The following SLC26A1 variants were observed in gnomAD, a reference collection of about 807,000 sequenced individuals.
SLC26A1 encodes the protein sulfate anion transporter 1.
In SLC26A1, 18 loss-of-function variants were observed where a neutral mutation model predicts 14.5. That is an observed-to-expected ratio of 1.24 (90% CI 0.86 to 1.84). The LOEUF (loss-of-function observed/expected upper bound fraction) is 1.84. Among genes scored for constraint, SLC26A1 ranks in the 40% most tolerant of loss-of-function variants. The pLI, the probability that SLC26A1 is intolerant of heterozygous loss-of-function variation, is 0.00. For synonymous variants in SLC26A1, 505 were observed against 492.0 expected (o/e 1.03, Z -0.35); for missense variants, 1,049 against 1,020.0 (o/e 1.03, Z -0.39).
downstream of SLC26A1, among the ~76,000 whole-genome samples, chr4:982,783 C>T (rs1713584879): frequency 6.6e-6 from 1 of 152,252 alleles, no homozygotes; most frequent in African/African-American, 2.4e-5. Context: ...TGGCCGGGTC[C>T]GTGTGTCTCC....
At chr4:984,517 A>G (rs1713640613), downstream of SLC26A1, among the ~76,000 whole-genome samples, 1 of 152,232 alleles carries the variant, frequency 6.6e-6, no homozygotes, top group African/African-American at 2.4e-5. Context: ...ACCGTGATGC[A>G]ATCATTGAGT....
At chr4:990,677 C>A in intron 2 of SLC26A1, 1 of 448,420 alleles carries the variant, frequency 2.2e-6, no homozygotes, top group South Asian at 3.1e-5. Context: ...CAGAAGGCAA[C>A]CCCTTCCTGC....
chr4:989,981 C>T lies in SLC26A1; in HGVS notation c.958G>A (p.Ala320Thr). 6.4e-7 allele frequency: 1 copy of T among 1,558,936 alleles called. No homozygotes were observed. Among genetic ancestry groups the T allele is most frequent in the Non-Finnish European group, 8.7e-7 (1 of 1,153,404 alleles). The change falls in exon 3 of 3, where the codon GCT becomes ACT. Residue 320 changes from alanine (A) to threonine (T), a missense_variant. Coordinates refer to ENST00000398516, the MANE Select transcript of SLC26A1 (RefSeq NM_022042.4). ...ATGAAACCCGTGGGGATGTCGCCAG[C>T]CACGCTCGAGCCAAAGCGCTTGTGG... is the stretch of plus-strand genomic sequence containing the variant. ...QLHKRFGSSV[A>T]GDIPTGFMPP...
Position 989,096 on chromosome 4 carries a change from C to G in SLC26A1, c.1843G>C (p.Asp615His), listed in dbSNP as rs369871590. ...AAAGFHTVVI[D>H]CAPLLFLDAA... ...TCTAGGAACAGCAGCGGGGCGCAGTCGATGACCACTGTGTGGAAGCCGGCC... is the reference window on the plus strand; with the variant it reads ...TCTAGGAACAGCAGCGGGGCGCAGTGGATGACCACTGTGTGGAAGCCGGCC... The change falls in exon 3 of 3, where the codon GAC (aspartate) becomes CAC (histidine). Residue 615 changes from aspartate (D) to histidine (H), a missense_variant. Coordinates refer to ENST00000398516, the MANE Select transcript of SLC26A1 (RefSeq NM_022042.4). The G allele has an allele frequency of 6.2e-7, 1 of 1,602,208 alleles. No individual in the cohort carries two copies. Among genetic ancestry groups the G allele is most frequent in the Non-Finnish European group, 8.5e-7 (1 of 1,174,854 alleles).
intron 2 of SLC26A1, chr4:990,866 C>G (rs1182413783): frequency 2.0e-5 from 10 of 497,262 alleles, no homozygotes; most frequent in Admixed American, 3.7e-5. Context: ...CACAGCCACA[C>G]CTGGCCTGCT....
Position 991,262 on chromosome 4 carries a change from G to C in SLC26A1, c.442C>G (p.Pro148Ala), listed in dbSNP as rs752884857. ...DRELQLAGFD[P>A]SQDGLQPGAN... ...CCGGGCTGCAGGCCGTCCTGGGAGG[G>C]GTCAAAGCCGGCCAGCTGGAGCTCC... The change falls in exon 2 of 3, where the codon CCC (proline) becomes GCC (alanine). Residue 148 changes from proline (P) to alanine (A), a missense_variant. Pro to Ala is a conservative substitution (Grantham distance 27, BLOSUM62 -1). Transcript: ENST00000398516. 20 of 1,612,516 alleles carry C rather than the reference G, an allele frequency of 1.2e-5. No homozygotes were observed. The highest frequency in any genetic ancestry group is 1.4e-5 in the Non-Finnish European group (16 of 1,179,854).
rs1168694329 is a variant in SLC26A1 at position 988,813 on chromosome 4, G to A, written c.*20C>T. 1.3e-6 allele frequency: 2 copies of A among 1,544,394 alleles called. No individual in the cohort carries two copies. Among genetic ancestry groups the A allele is most frequent in the East Asian group, 4.7e-5 (2 of 42,254 alleles). On this transcript the variant is annotated 3_prime_UTR_variant, in exon 3 of 3. Coordinates refer to ENST00000398516, the MANE Select transcript of SLC26A1 (RefSeq NM_022042.4). ...GGGTCCCCAGGAGGGAGCAGAGGCT[G>A]CTGGGCAGGCCTGGCCCTGCTACAG...
downstream of SLC26A1, chr4:987,094 C>A (rs1042371669): frequency 6.8e-7 from 1 of 1,472,056 alleles, no homozygotes; most frequent in African/African-American, 1.5e-5. Flanking sequence ...CATGCGTCCC[C>A]TGCGCCCCCG....
In SLC26A1 at chr4:989,286, C is replaced by T. The variant is rs1418691701; in HGVS notation, c.1653G>A (p.Lys551=). Residue 551 remains lysine, a synonymous_variant, in exon 3 of 3, where the codon AAG becomes AAA. Coordinates refer to ENST00000398516, the MANE Select transcript of SLC26A1 (RefSeq NM_022042.4). ...RFGGPLYYAN[K]DFFLQSLYSL... ...TGTAGAGTGACTGCAGGAAGAAGTC[C>T]TTGTTGGCATAGTACAGCGGCCCCC... The T allele has an allele frequency of 2.5e-6, 4 of 1,612,686 alleles. No individual in the cohort carries two copies. The South Asian group carries it at 3.3e-5, about 13-fold the overall frequency.
At chr4:992,874 G>A (rs943021421) in intron 1 of SLC26A1, 3 of 152,238 alleles carry the variant, frequency 2.0e-5, no homozygotes, top group Admixed American at 6.5e-5. Flanking sequence ...CAAAGACTTT[G>A]CTCCCAGGAC....
At chr4:987,029 G>A (rs2153015098), downstream of SLC26A1, 2 of 1,309,226 alleles carry the variant, frequency 1.5e-6, no homozygotes, top group East Asian at 4.6e-5. Flanking sequence ...ACTCCGACCC[G>A]GAGGCGGAAC....
chr4:992,230 G>A, intron 1 of SLC26A1: 1 of 457,622 alleles, frequency 2.2e-6, no homozygotes, highest in South Asian at 1.5e-5. Context: ...TGGCTCCCCA[G>A]GTTGGCAAAC....
rs941687702 is a variant in SLC26A1 at position 988,242 on chromosome 4, G to A, written c.*591C>T. 3 of 1,273,474 alleles carry A rather than the reference G, an allele frequency of 2.4e-6. No individual in the cohort carries two copies. The highest frequency in any genetic ancestry group is 3.7e-5 in the Admixed American group (1 of 27,344). 78.9% of individuals were successfully genotyped at this position (1,273,474 alleles called of 1,614,324 possible). A position where few individuals can be genotyped will look rare whatever the true frequency, so the allele number is the denominator to read the frequency against. On this transcript the variant is annotated 3_prime_UTR_variant, in exon 3 of 3. Coordinates refer to ENST00000398516, the MANE Select transcript of SLC26A1 (RefSeq NM_022042.4). ...CATCCCTGTGTGTGTCTGCTGGCCA[G>A]GCTGGGTAGGGCCACTGCACCTGAG...
In SLC26A1 at chr4:991,388, A is replaced by G. The variant is rs1440946364; in HGVS notation, c.316T>C (p.Phe106Leu). The G allele has an allele frequency of 1.2e-6, 2 of 1,612,860 alleles. No individual in the cohort carries two copies. The highest frequency in any genetic ancestry group is 1.1e-5 in the South Asian group (1 of 91,092). ...LQPIYSLYTS[F>L]FANLIYFLMG... ...AGGAAGTAGATGAGGTTGGCGAAGA[A>G]GGACGTATAGAGGCTGTAGATGGGC... is the stretch of plus-strand genomic sequence containing the variant. The change falls in exon 2 of 3, where the codon TTC becomes CTC. Residue 106 changes from phenylalanine (F) to leucine (L), a missense_variant. Coordinates refer to ENST00000398516, the MANE Select transcript of SLC26A1 (RefSeq NM_022042.4).
intron 2 of SLC26A1, among the ~76,000 whole-genome samples, chr4:980,154 C>T (rs985332856): frequency 7.9e-5 from 12 of 152,150 alleles, no homozygotes. Flanking sequence ...CTCGGCAGCC[C>T]CTGGTCGGCC....
At position 988,343 on chromosome 4, in the gene SLC26A1, G is replaced by A. The variant is rs1041613535; in HGVS notation, c.*490C>T. On this transcript the variant is annotated 3_prime_UTR_variant, in exon 3 of 3. Transcript: ENST00000398516. ...GCAGGTGGCCACCCTGTGAGGGGGA[G>A]GCACGAGGTGTGAGGGGCACTTGGG... is the stretch of plus-strand genomic sequence containing the variant. The A allele has an allele frequency of 3.1e-5, 34 of 1,091,450 alleles. No homozygotes were observed. Among genetic ancestry groups the A allele is most frequent in the Non-Finnish European group, 3.6e-5 (32 of 895,780 alleles). The allele number at this position is 1,091,450 out of a possible 1,614,324, so 67.6% of individuals were successfully genotyped here.
At position 988,109 on chromosome 4, in the gene SLC26A1, G is replaced by A. The variant is rs1323479421; in HGVS notation, c.*724C>T. 2 of 1,436,440 alleles carry A rather than the reference G, an allele frequency of 1.4e-6. No individual in the cohort carries two copies. Among genetic ancestry groups the A allele is most frequent in the Admixed American group, 2.6e-5 (1 of 38,258 alleles). The allele number at this position is 1,436,440 out of a possible 1,614,324, so 89.0% of individuals were successfully genotyped here. A position where few individuals can be genotyped will look rare whatever the true frequency, so the allele number is the denominator to read the frequency against. Reference sequence around the variant, plus strand: ...CCTTGCTGGCTGTGCTGGGGTGAGGGCTGTGTGCTGGAGGGAGCCCCTGCA... The same window carrying A: ...CCTTGCTGGCTGTGCTGGGGTGAGGACTGTGTGCTGGAGGGAGCCCCTGCA... On this transcript the variant is annotated 3_prime_UTR_variant, in exon 3 of 3. Transcript: ENST00000398516.
chr4:987,644 G>A (rs894783325), downstream of SLC26A1: 25 of 1,452,344 alleles, frequency 1.7e-5, no homozygotes, highest in Middle Eastern at 2.5e-4. Flanking sequence ...CATGAAGATG[G>A]GACCTCCCCA....
Position 988,060 on chromosome 4 carries a change from A to T in SLC26A1, c.*773T>A. 6.8e-7 allele frequency: 1 copy of T among 1,474,056 alleles called. No homozygotes were observed. The highest frequency in any genetic ancestry group is 9.0e-7 in the Non-Finnish European group (1 of 1,109,842). The allele number at this position is 1,474,056 out of a possible 1,614,324, so 91.3% of individuals were successfully genotyped here. On this transcript the variant is annotated 3_prime_UTR_variant, in exon 3 of 3. Transcript: ENST00000398516. ...CCCTTGTTCCCCCACCTCCCGCCGAAGCACCCTGTTGGGGAGAGCGTGTCC... is the reference window on the plus strand; with the variant it reads ...CCCTTGTTCCCCCACCTCCCGCCGATGCACCCTGTTGGGGAGAGCGTGTCC...
Sources: allele counts gnomAD v4.1 joint callset (sites outside exome capture counted in the v4.1 genomes callset), GRCh38; gene constraint gnomAD v4.1.1; transcripts MANE v1.5; gene names NCBI Gene and HGNC (gene_info 2026-07-23, HGNC 2026-07-21).